NACC2: variants seen among roughly 807,000 people sequenced by gnomAD.
NACC2 encodes nucleus accumbens-associated protein 2.
Under a neutral mutation model 25.1 loss-of-function variants are expected in NACC2, and 8 were observed. The ratio of observed to expected loss-of-function variants is 0.32; its 90% CI spans 0.19 to 0.57. The LOEUF (loss-of-function observed/expected upper bound fraction) is 0.57, where lower values mean the gene tolerates loss of function less well. Among genes scored for constraint, NACC2 ranks in the 20% least tolerant of loss-of-function variants. The pLI, the probability that NACC2 is intolerant of heterozygous loss-of-function variation, is 0.89. For synonymous variants in NACC2, 435 were observed against 294.7 expected (o/e 1.48, Z -4.88); for missense variants, 644 against 650.2 (o/e 0.99, Z 0.10).
chr9:136,044,864 T>C (rs1352895742), intron 2 of NACC2, among the ~76,000 whole-genome samples: 1 of 152,028 alleles, frequency 6.6e-6, no homozygotes, highest in Non-Finnish European at 1.5e-5. Flanking sequence ...GCCACCTGGG[T>C]TCTGTGGCCC....
Position 136,050,714 on chromosome 9 carries a change from C to T in NACC2, c.-59-134G>A. ...CTTCCGCACGCGCCCTCCCCCGCCC[C>T]TCCTGGCTGGGACACTCCAGAGAAG... On this transcript the variant is annotated intron_variant, in intron 1 of 5. Transcript: ENST00000277554. 4.9e-6 allele frequency: 3 copies of T among 615,278 alleles called. No individual in the cohort carries two copies. In the South Asian group the frequency reaches 5.6e-5, roughly 11 times the overall value. The allele number at this position is 615,278 out of a possible 1,614,324, so 38.1% of individuals were successfully genotyped here.
chr9:136,031,061 C>G (rs1007417420), intron 2 of NACC2, among the ~76,000 whole-genome samples: 5 of 152,192 alleles, frequency 3.3e-5, no homozygotes, highest in Admixed American at 2.0e-4. Context: ...ATTCCTGCAG[C>G]TACTCAAGAA....
chr9:136,013,338 G>A lies in NACC2; in HGVS notation c.1158-42C>T. On this transcript the variant is annotated intron_variant, in intron 4 of 5. Coordinates refer to ENST00000277554, the MANE Select transcript of NACC2 (RefSeq NM_144653.5). This position sits in a 1 kb window ranked among gnomAD's most constrained non-coding sequence, Gnocchi z 6.6. The stretch of plus-strand genomic sequence containing the variant: ...AAAGGCAGGCAGGGTGAGGATGATG[G>A]GGAGGGTACCTGGAGGCGACCCGCC... 1 of 1,580,476 alleles carries A rather than the reference G, an allele frequency of 6.3e-7. No homozygotes were observed.
chr9:136,049,539 C>A, intron 2 of NACC2, 97 bp downstream of exon 2: 1 of 639,106 alleles, frequency 1.6e-6, no homozygotes. Flanking sequence ...CCTGTGGCCC[C>A]GCAGGCCTCC....
At chr9:136,068,254 T>C (rs1444167535) in intron 1 of NACC2, among the ~76,000 whole-genome samples, 1 of 152,118 alleles carries the variant, frequency 6.6e-6, no homozygotes, top group Non-Finnish European at 1.5e-5. Context: ...CCCCAGCACT[T>C]TGGGAGGCCA....
chr9:136,094,116 CG>C (rs1564247309), intron 1 of NACC2, among the ~76,000 whole-genome samples: 1 of 152,176 alleles, frequency 6.6e-6, no homozygotes. Flanking sequence ...TGGGCACCCC[CG>C]GGTCAGCACC....
chr9:136,029,459 C>T (rs897642846), intron 2 of NACC2, among the ~76,000 whole-genome samples: 2 of 152,204 alleles, frequency 1.3e-5, no homozygotes, highest in African/African-American at 4.8e-5. Flanking sequence ...AACAAGAACT[C>T]GGGACCTGCC....
At chr9:136,075,503 G>C (rs751355540) in intron 1 of NACC2, among the ~76,000 whole-genome samples, 2 of 152,262 alleles carry the variant, frequency 1.3e-5, no homozygotes, top group Non-Finnish European at 2.9e-5. Flanking sequence ...CTACATCGCG[G>C]TACAGTTTCT....
rs1373872050 is a variant in NACC2 at position 136,033,588 on chromosome 9, T to A, written c.886+16048A>T. 2.2e-5 allele frequency among the ~76,000 whole-genome samples: 3 copies of A among 135,624 alleles called. 1 individual carries two copies. The highest frequency in any genetic ancestry group is 1.7e-4 in the Admixed American group (2 of 11,630). 89.0% of individuals were successfully genotyped at this position (135,624 alleles called of 152,430 possible). ...TCGCTTGAATTCGGGAGTTGGAGGT[T>A]GGAGTGAGCTGAGATCTGCCACTGC... is the stretch of plus-strand genomic sequence containing the variant. On this transcript the variant is annotated intron_variant, in intron 2 of 5. Transcript: ENST00000277554.
At chr9:136,070,712 AAAGAAATGATAAAAAT>A in intron 1 of NACC2, among the ~76,000 whole-genome samples, 1 of 151,474 alleles carries the variant, frequency 6.6e-6, no homozygotes, top group East Asian at 1.9e-4. Context: ...AAGCAGAAGA[AAAGAAATGATAAAAAT>A]AAGAACATAA....
chr9:136,027,037 T>A (rs987592649), intron 2 of NACC2, among the ~76,000 whole-genome samples: 1 of 152,218 alleles, frequency 6.6e-6, no homozygotes, highest in Admixed American at 6.5e-5. Context: ...AAGACCAGCC[T>A]GGCCAACATG....
At chr9:136,060,387 A>G (rs74432124) in intron 1 of NACC2, among the ~76,000 whole-genome samples, 2 of 152,216 alleles carry the variant, frequency 1.3e-5, no homozygotes, top group South Asian at 4.1e-4. Context: ...AATTACCGAT[A>G]TGAAAAATAA....
chr9:136,028,375 CCT>C (rs1840425732), intron 2 of NACC2, among the ~76,000 whole-genome samples: 1 of 120,878 alleles, frequency 8.3e-6, no homozygotes, highest in Admixed American at 8.5e-5. Context: ...GCCTTTGCTT[CCT>C]TTTTTTTTTT....
intron 2 of NACC2, 139 bp downstream of exon 2, chr9:136,049,497 T>C (rs1485936351): frequency 8.3e-6 from 5 of 601,522 alleles, no homozygotes; most frequent in African/African-American, 1.9e-5. Context: ...AACAGAGCTC[T>C]GCCACCTCCT....
intron 2 of NACC2, among the ~76,000 whole-genome samples, chr9:136,039,188 G>A (rs1840595154): frequency 2.0e-5 from 3 of 152,318 alleles, no homozygotes; most frequent in African/African-American, 7.2e-5. Flanking sequence ...TGATATCAAA[G>A]TGACTTCAGA....
At position 136,049,720 on chromosome 9, in the gene NACC2, C is replaced by T; in HGVS notation, c.802G>A (p.Asp268Asn). The T allele has an allele frequency of 3.8e-6, 3 of 779,432 alleles. No homozygotes were observed. Among genetic ancestry groups the T allele is most frequent in the East Asian group, 2.4e-5 (1 of 41,184 alleles). 48.3% of individuals were successfully genotyped at this position (779,432 alleles called of 1,614,324 possible). ...DSPTSYHNEE[D>N]EEDDEAYDTM... ...TCGTAGGCCTCGTCGTCCTCCTCGTCCTCCTCGTTGTGGTACGAGGTGGGG... is the reference window on the plus strand; with the variant it reads ...TCGTAGGCCTCGTCGTCCTCCTCGTTCTCCTCGTTGTGGTACGAGGTGGGG... The change falls in exon 2 of 6, where the codon GAC becomes AAC. Residue 268 changes from aspartate (D) to asparagine (N), a missense_variant. Asp to Asn is a conservative substitution (Grantham distance 23). Coordinates refer to ENST00000277554, the MANE Select transcript of NACC2 (RefSeq NM_144653.5).
Position 136,038,196 on chromosome 9 carries a change from G to C in NACC2, c.886+11440C>G, listed in dbSNP as rs1840581521. ...AGGATGAGTTTAGAGTGATGAAATT[G>C]TTCTATATCTTGACTGGGGAGGTGA... On this transcript the variant is annotated intron_variant, in intron 2 of 5. Coordinates refer to ENST00000277554, the MANE Select transcript of NACC2 (RefSeq NM_144653.5). Among the ~76,000 whole-genome samples the C allele has an allele frequency of 2.0e-5, 3 of 152,296 alleles. No homozygotes were observed. The South Asian group carries it at 6.2e-4, about 32-fold the overall frequency.
intron 2 of NACC2, among the ~76,000 whole-genome samples, chr9:136,029,987 C>T (rs990576311): frequency 2.6e-5 from 4 of 152,180 alleles, no homozygotes; most frequent in African/African-American, 9.6e-5. Flanking sequence ...ACAGAGGTTT[C>T]TGGCGGGTGA....
intron 1 of NACC2, among the ~76,000 whole-genome samples, chr9:136,092,830 G>A (rs1830446767): frequency 6.6e-6 from 1 of 152,166 alleles, no homozygotes; most frequent in Non-Finnish European, 1.5e-5. Context: ...CCCCCCTGTG[G>A]ACTCCGACCC....
Sources: gnomAD v4.1 joint callset for allele counts (sites outside exome capture counted in the v4.1 genomes callset) on GRCh38, gnomAD v4.1.1 for gene constraint, Gnocchi (gnomAD v3.1) non-coding constraint, MANE v1.5 for transcripts, NCBI Gene and HGNC (gene_info 2026-07-23, HGNC 2026-07-21) for gene names.